MCTP1: variants seen among roughly 807,000 people sequenced by gnomAD.
MCTP1 encodes the protein multiple C2 and transmembrane domain-containing protein 1.
A neutral mutation model predicts 120.6 loss-of-function variants in MCTP1; 69 were observed. The ratio of observed to expected loss-of-function variants is 0.57; its 90% CI spans 0.47 to 0.70. MCTP1 has a LOEUF of 0.70. Among genes scored for constraint, MCTP1 ranks in the 30% least tolerant of loss-of-function variants. The probability of loss-of-function intolerance (pLI) is 0.00; values close to 1 mark genes in which losing one functional copy is unlikely to be tolerated. For synonymous variants in MCTP1, 529 were observed against 493.1 expected, an observed-to-expected ratio of 1.07 and a Z score of -0.96; for missense variants, 1,203 against 1,248.8, an observed-to-expected ratio of 0.96 and a Z score of 0.55.
At chr5:94,876,387 T>C (rs1341454916) in intron 12 of MCTP1, among the ~76,000 whole-genome samples, 1 of 152,046 alleles carries the variant, frequency 6.6e-6, no homozygotes, top group Non-Finnish European at 1.5e-5. Context: ...TTGATGTCTC[T>C]AAAGTGCACT....
intron 1 of MCTP1, among the ~76,000 whole-genome samples, chr5:95,045,400 C>G (rs747220197): frequency 1.3e-5 from 2 of 152,178 alleles, no homozygotes; most frequent in Non-Finnish European, 2.9e-5. Context: ...AACCTGGTAA[C>G]TTCTGCTTTT....
chr5:95,073,166 A>G (rs1012981805), intron 1 of MCTP1, among the ~76,000 whole-genome samples: 1 of 152,042 alleles, frequency 6.6e-6, no homozygotes, highest in Non-Finnish European at 1.5e-5. Context: ...TATCCTGAAC[A>G]GCTGATTGTT....
At chr5:95,175,897 A>G (rs1747915510) in intron 1 of MCTP1, among the ~76,000 whole-genome samples, 1 of 152,090 alleles carries the variant, frequency 6.6e-6, no homozygotes, top group African/African-American at 2.4e-5. Flanking sequence ...CAAAACAAAA[A>G]CATAAAAAAC....
chr5:94,861,925 C>G (rs919777166), intron 17 of MCTP1, among the ~76,000 whole-genome samples: 4 of 151,876 alleles, frequency 2.6e-5, no homozygotes, highest in Middle Eastern at 3.4e-3. Context: ...AGCATCCATA[C>G]AGCCAGGAAA....
intron 1 of MCTP1, among the ~76,000 whole-genome samples, chr5:95,185,474 T>G (rs1297560096): frequency 3.9e-5 from 6 of 152,152 alleles, no homozygotes; most frequent in South Asian, 2.1e-4. Flanking sequence ...ACAGGATCAT[T>G]CATGGTTTTT....
chr5:94,911,696 G>C (rs993367889), intron 9 of MCTP1, among the ~76,000 whole-genome samples: 24 of 152,130 alleles, frequency 1.6e-4, no homozygotes, highest in Admixed American at 1.6e-3. Context: ...ATAGAAGTGT[G>C]AGAATGAACT....
chr5:94,892,793 C>T (rs909509453), intron 11 of MCTP1, among the ~76,000 whole-genome samples: 2 of 152,154 alleles, frequency 1.3e-5, no homozygotes, highest in African/African-American at 2.4e-5. Context: ...CTCCAAACAA[C>T]CTCCATTATA....
chr5:94,903,416 T>C (rs558099951), intron 10 of MCTP1, among the ~76,000 whole-genome samples: 1 of 152,202 alleles, frequency 6.6e-6, no homozygotes, highest in Non-Finnish European at 1.5e-5. Context: ...TCAAAGGCTA[T>C]TTTCCTCATT....
intron 17 of MCTP1, among the ~76,000 whole-genome samples, chr5:94,831,271 G>C (rs1256399127): frequency 1.3e-5 from 2 of 152,144 alleles, no homozygotes; most frequent in Non-Finnish European, 2.9e-5. Flanking sequence ...CCAAGTTGAT[G>C]ACATCAAGTC....
intron 1 of MCTP1, among the ~76,000 whole-genome samples, chr5:95,217,357 T>C (rs1020443914): frequency 6.6e-5 from 10 of 152,216 alleles, no homozygotes; most frequent in African/African-American, 1.9e-4. Context: ...ATGGGAGAGA[T>C]ACAACTCCTT....
chr5:94,898,311 G>C (rs945175602), intron 10 of MCTP1, among the ~76,000 whole-genome samples: 1 of 152,178 alleles, frequency 6.6e-6, no homozygotes, highest in African/African-American at 2.4e-5. Flanking sequence ...TTCTACTCGA[G>C]AGTAAGATGC....
intron 1 of MCTP1, among the ~76,000 whole-genome samples, chr5:95,206,405 G>A (rs1465088879): frequency 1.3e-5 from 2 of 152,040 alleles, no homozygotes; most frequent in African/African-American, 4.8e-5. Context: ...TTCTTTTGGG[G>A]GTTATGAGTG....
intron 2 of MCTP1, among the ~76,000 whole-genome samples, chr5:94,984,865 G>A (rs1478220055): frequency 6.6e-6 from 1 of 152,052 alleles, no homozygotes; most frequent in African/African-American, 2.4e-5. Flanking sequence ...TAAAATATTT[G>A]ACATTTTCTT....
intron 1 of MCTP1, among the ~76,000 whole-genome samples, chr5:95,170,444 G>C (rs192437339): frequency 6.6e-6 from 1 of 152,322 alleles, no homozygotes; most frequent in African/African-American, 2.4e-5. Context: ...GTGCAGAGCT[G>C]AGTTCAATTC....
At chr5:94,909,835 A>C (rs550809808) in intron 9 of MCTP1, among the ~76,000 whole-genome samples, 1 of 152,184 alleles carries the variant, frequency 6.6e-6, no homozygotes, top group East Asian at 1.9e-4. Context: ...TCCTGACTTG[A>C]GTACATGAAA....
In MCTP1 at chr5:94,951,270, T is replaced by C. The variant is rs140929295; in HGVS notation, c.981+1949A>G. 4.2e-3 allele frequency among the ~76,000 whole-genome samples: 632 copies of C among 152,276 alleles called. 1 individual carries two copies. The highest frequency in any genetic ancestry group is 7.3e-3 in the Non-Finnish European group (497 of 68,016). ...TTTCTTTTTGAGCCTAGTAAGACAT[T>C]CCTTTTGAAAAATGCATCTTGGCAT... On this transcript the variant is annotated intron_variant, in intron 3 of 22. Transcript: ENST00000515393.
intron 17 of MCTP1, among the ~76,000 whole-genome samples, chr5:94,864,941 C>T (rs1183991396): frequency 2.0e-5 from 3 of 151,810 alleles, no homozygotes; most frequent in Non-Finnish European, 4.4e-5. Flanking sequence ...AAAATTAGGC[C>T]CAATTTATGA....
intron 2 of MCTP1, among the ~76,000 whole-genome samples, chr5:94,992,255 G>A (rs963105692): frequency 2.0e-5 from 3 of 152,060 alleles, no homozygotes; most frequent in East Asian, 3.9e-4. Flanking sequence ...CACCAATAAC[G>A]TTTTAGTTAA....
At chr5:95,265,922 T>C (rs796528687) in intron 1 of MCTP1, among the ~76,000 whole-genome samples, 1 of 152,292 alleles carries the variant, frequency 6.6e-6, no homozygotes, top group African/African-American at 2.4e-5. Context: ...TCTCAGTCTC[T>C]GGCAAAGGAA....
Sources: gnomAD v4.1 joint callset for allele counts (sites outside exome capture counted in the v4.1 genomes callset) on GRCh38, gnomAD v4.1.1 for gene constraint, MANE v1.5 for transcripts, NCBI Gene and HGNC (gene_info 2026-07-23, HGNC 2026-07-21) for gene names.